The following ATP13A3 variants were observed in gnomAD, a reference collection of about 807,000 sequenced individuals.
ATP13A3 encodes polyamine-transporting ATPase 13A3.
A neutral mutation model predicts 158.1 loss-of-function variants in ATP13A3; 59 were observed. That is an observed-to-expected ratio of 0.37 (90% CI 0.30 to 0.46). The LOEUF (loss-of-function observed/expected upper bound fraction) is 0.46, where lower values mean the gene tolerates loss of function less well. Among genes scored for constraint, ATP13A3 ranks in the 20% least tolerant of loss-of-function variants. The pLI, the probability that ATP13A3 is intolerant of heterozygous loss-of-function variation, is 1.00. For synonymous variants in ATP13A3, 491 were observed against 504.3 expected, an observed-to-expected ratio of 0.97 and a Z score of 0.35; for missense variants, 1,166 against 1,525.2, an observed-to-expected ratio of 0.76 and a Z score of 3.92.
At chr3:194,437,731 C>G (rs1717762620) in intron 17 of ATP13A3, among the ~76,000 whole-genome samples, 158 bp from the exon 18 acceptor site, 1 of 152,182 alleles carries the variant, frequency 6.6e-6, no homozygotes, top group Non-Finnish European at 1.5e-5. Flanking sequence ...TATACTACTT[C>G]CCATTTTTAA....
At position 194,446,918 on chromosome 3, in the gene ATP13A3, T is replaced by G; in HGVS notation, c.1497+9A>C. 6.3e-7 allele frequency: 1 copy of G among 1,587,070 alleles called. No homozygotes were observed. The highest frequency in any genetic ancestry group is 8.5e-7 in the Non-Finnish European group (1 of 1,170,760). On this transcript the variant is annotated intron_variant, in intron 14 of 33. Transcript: ENST00000645319. The stretch of plus-strand genomic sequence containing the variant: ...TAACCTTTGAAAGTAACTATGAAAC[T>G]GAACCCACCTTGTCAAAGCAAACAA...
chr3:194,405,834 C>T lies in ATP13A3; in HGVS notation c.*85G>A. On this transcript the variant is annotated 3_prime_UTR_variant, in exon 34 of 34. Coordinates refer to ENST00000645319, the MANE Select transcript of ATP13A3 (RefSeq NM_001367549.1). ...GAAGGGACATAAACTGAACTAGTGC[C>T]ATTCTGACACACAGGATCAGAAACT... 7.1e-7 allele frequency: 1 copy of T among 1,399,142 alleles called. No individual in the cohort carries two copies. The highest frequency in any genetic ancestry group is 1.2e-5 in the South Asian group (1 of 83,464). The allele number at this position is 1,399,142 out of a possible 1,614,324, so 86.7% of individuals were successfully genotyped here. A position where few individuals can be genotyped will look rare whatever the true frequency, so the allele number is the denominator to read the frequency against.
At chr3:194,406,377 C>T (rs1277541365) in intron 33 of ATP13A3, among the ~76,000 whole-genome samples, 1 of 152,048 alleles carries the variant, frequency 6.6e-6, no homozygotes, top group Non-Finnish European at 1.5e-5. Flanking sequence ...CCAGCCTGGG[C>T]AACACAACGA....
chr3:194,478,878 T>C (rs1196913529), intron 2 of ATP13A3, among the ~76,000 whole-genome samples: 1 of 152,192 alleles, frequency 6.6e-6, no homozygotes, highest in African/African-American at 2.4e-5. Context: ...CATCCAGCCC[T>C]GTGTTTGGCA....
intron 14 of ATP13A3, among the ~76,000 whole-genome samples, chr3:194,446,487 C>T (rs539742839): frequency 1.3e-5 from 2 of 152,354 alleles, no homozygotes; most frequent in African/African-American, 4.8e-5. Flanking sequence ...TACGCTCCCA[C>T]TACCCAGGAG....
At chr3:194,410,328 A>AC (rs1715304837) in intron 33 of ATP13A3, among the ~76,000 whole-genome samples, 2 of 148,950 alleles carry the variant, frequency 1.3e-5, no homozygotes, top group Admixed American at 6.7e-5. Flanking sequence ...AAAAAAAAAA[A>AC]AAACTGCTGG....
chr3:194,463,156 T>C (rs1490066145), intron 2 of ATP13A3, among the ~76,000 whole-genome samples: 1 of 152,226 alleles, frequency 6.6e-6, no homozygotes, highest in Non-Finnish European at 1.5e-5. Context: ...ATGGCAGGTT[T>C]ACTCCTACTG....
chr3:194,481,006 C>T (rs1263839075), intron 2 of ATP13A3, among the ~76,000 whole-genome samples: 1 of 152,174 alleles, frequency 6.6e-6, no homozygotes, highest in Admixed American at 6.5e-5. Flanking sequence ...CAGTTTCCAA[C>T]CAGTTTTCAA....
intron 31 of ATP13A3, among the ~76,000 whole-genome samples, chr3:194,414,360 G>A (rs1715655851): frequency 6.6e-6 from 1 of 151,738 alleles, no homozygotes; most frequent in Non-Finnish European, 1.5e-5. Context: ...CTACTCAAAA[G>A]GCTGAGCCAC....
At chr3:194,478,142 G>C (rs1720604674) in intron 2 of ATP13A3, among the ~76,000 whole-genome samples, 1 of 152,034 alleles carries the variant, frequency 6.6e-6, no homozygotes, top group South Asian at 2.1e-4. Flanking sequence ...TAGCATTCTA[G>C]CAATAATCAT....
At chr3:194,432,002 T>C in intron 21 of ATP13A3, 110 bp from the exon 22 acceptor site, 1 of 855,830 alleles carries the variant, frequency 1.2e-6, no homozygotes. Context: ...GCTGGCAGAG[T>C]AACGATAATG....
chr3:194,494,156 C>A lies in ATP13A3; in HGVS notation n.640G>T, dbSNP rs1013921592. On this transcript the variant is annotated non_coding_transcript_exon_variant, in exon 2 of 33. Coordinates refer to the ATP13A3 transcript ENST00000687055. This position sits in a 1 kb window ranked among gnomAD's most constrained non-coding sequence, Gnocchi z 4.2. ...GTGATTCACCAGAATGAGTTCATCT[C>A]GCATCAAAACTCTGGATTATCTGTT... 1 of 398,564 alleles carries A rather than the reference C, an allele frequency of 2.5e-6. No homozygotes were observed. Among genetic ancestry groups the A allele is most frequent in the Non-Finnish European group, 4.4e-6 (1 of 226,082 alleles). The allele number at this position is 398,564 out of a possible 1,614,324, so 24.7% of individuals were successfully genotyped here.
intron 31 of ATP13A3, among the ~76,000 whole-genome samples, chr3:194,415,447 C>T (rs1002551444): frequency 1.4e-4 from 21 of 152,224 alleles, no homozygotes; most frequent in African/African-American, 5.1e-4. Flanking sequence ...ACTGTAAGTG[C>T]TTATCTAAAC....
intron 16 of ATP13A3, among the ~76,000 whole-genome samples, chr3:194,439,491 G>T (rs993201614): frequency 6.6e-6 from 1 of 152,170 alleles, no homozygotes; most frequent in African/African-American, 2.4e-5. Flanking sequence ...ATACTTTAAA[G>T]AACCTTTTTT....
Position 194,431,698 on chromosome 3 carries a change from C to A in ATP13A3, c.2421+19G>T. The A allele has an allele frequency of 6.7e-7, 1 of 1,503,094 alleles. No homozygotes were observed. The highest frequency in any genetic ancestry group is 2.4e-5 in the Admixed American group (1 of 41,980). 93.1% of individuals were successfully genotyped at this position (1,503,094 alleles called of 1,614,324 possible). A position where few individuals can be genotyped will look rare whatever the true frequency, so the allele number is the denominator to read the frequency against. ...TTAAATCAACAAACTTTAAAACGGA[C>A]AGTCGATCTTGACCTTACCTCTGGG... On this transcript the variant is annotated intron_variant, in intron 22 of 33. Transcript: ENST00000645319.
intron 30 of ATP13A3, among the ~76,000 whole-genome samples, chr3:194,422,843 T>C (rs1251002175): frequency 6.6e-6 from 1 of 151,714 alleles, no homozygotes; most frequent in Non-Finnish European, 1.5e-5. Flanking sequence ...TAAGCCTTTT[T>C]ATTCCTATCC....
intron 2 of ATP13A3, among the ~76,000 whole-genome samples, chr3:194,469,143 CA>C (rs35461219): frequency 0.25 from 35,683 of 142,424 alleles, 4,557 homozygotes; most frequent in South Asian, 0.39. Context: ...ACACACACAC[CA>C]AAAAAAAAAA....
At chr3:194,452,509 T>G (rs765885123) in intron 10 of ATP13A3, 1 of 152,012 alleles carries the variant, frequency 6.6e-6, no homozygotes, top group Non-Finnish European at 1.5e-5. Context: ...TAAAATAAAT[T>G]AATAATAATA....
At chr3:194,451,607 C>G (rs943233133) in intron 10 of ATP13A3, 1 of 152,244 alleles carries the variant, frequency 6.6e-6, no homozygotes, top group African/African-American at 2.4e-5. Context: ...CCAGGAAGCA[C>G]AGGGAAGGAA....
Sources: gnomAD v4.1 joint callset for allele counts (sites outside exome capture counted in the v4.1 genomes callset) on GRCh38, gnomAD v4.1.1 for gene constraint, Gnocchi (gnomAD v3.1) non-coding constraint, MANE v1.5 for transcripts, NCBI Gene and HGNC (gene_info 2026-07-23, HGNC 2026-07-21) for gene names.